Variants in FYB1 observed in about 807,000 individuals in gnomAD.
The protein encoded by FYB1 is FYN-binding protein 1.
FYB1 carries 41 observed loss-of-function variants against 94.1 expected under a neutral mutation model. The ratio of observed to expected loss-of-function variants is 0.44; its 90% CI spans 0.34 to 0.57. The LOEUF (loss-of-function observed/expected upper bound fraction) is 0.57, where lower values mean the gene tolerates loss of function less well. Ranked by LOEUF, FYB1 falls within the 20% of genes least tolerant of loss-of-function variation. FYB1 has a pLI of 0.02. For synonymous variants in FYB1, 367 were observed against 353.2 expected (o/e 1.04, Z -0.44); for missense variants, 1,050 against 976.8 (o/e 1.07, Z -1.00).
upstream of FYB1, among the ~76,000 whole-genome samples, chr5:39,221,639 T>A (rs1489563784): frequency 6.6e-6 from 1 of 152,170 alleles, no homozygotes; most frequent in Non-Finnish European, 1.5e-5. Context: ...GAAGCCTAAC[T>A]GGAATTTGGG....
intron 1 of FYB1, among the ~76,000 whole-genome samples, chr5:39,217,935 AC>A (rs1211393228): frequency 6.6e-6 from 1 of 152,208 alleles, no homozygotes; most frequent in Non-Finnish European, 1.5e-5. Context: ...CTTCAAAGCC[AC>A]CGCCTGCACT....
intron 1 of FYB1, chr5:39,274,395 A>G (rs1225386648): frequency 6.6e-6 from 1 of 152,160 alleles, no homozygotes; most frequent in Non-Finnish European, 1.5e-5. Flanking sequence ...AGGGATGTCG[A>G]ATCTCACCTT....
At chr5:39,149,344 C>G (rs1743046879) in intron 3 of FYB1, among the ~76,000 whole-genome samples, 1 of 152,128 alleles carries the variant, frequency 6.6e-6, no homozygotes, top group African/African-American at 2.4e-5. Context: ...ATTAGAGATT[C>G]CACTCCACAT....
At position 39,111,526 on chromosome 5, in the gene FYB1, C is replaced by T. The variant is rs566274053; in HGVS notation, c.2402-1137G>A. ...TTGGAATCATAAAACTGAATTTATA[C>T]ATTAAAATTTAAGAAAATGAACTTT... On this transcript the variant is annotated intron_variant, in intron 16 of 18. Coordinates refer to ENST00000512982, the MANE Select transcript of FYB1 (RefSeq NM_001465.6). 1.9e-4 allele frequency among the ~76,000 whole-genome samples: 29 copies of T among 151,644 alleles called. 1 individual carries two copies. The South Asian group carries it at 5.0e-3, about 26-fold the overall frequency.
At chr5:39,267,679 A>G (rs1429714662) in intron 1 of FYB1, among the ~76,000 whole-genome samples, 1 of 152,270 alleles carries the variant, frequency 6.6e-6, no homozygotes, top group Non-Finnish European at 1.5e-5. Flanking sequence ...TGCTACAAAA[A>G]TAGGCATGGG....
intron 2 of FYB1, among the ~76,000 whole-genome samples, chr5:39,168,370 G>T (rs1428789320): frequency 6.6e-6 from 1 of 152,044 alleles, no homozygotes; most frequent in South Asian, 2.1e-4. Context: ...GACAAGTAAA[G>T]GTGTATTTTA....
chr5:39,206,842 C>T (rs543725837), intron 1 of FYB1, among the ~76,000 whole-genome samples: 10 of 152,280 alleles, frequency 6.6e-5, no homozygotes, highest in Admixed American at 1.3e-4. Context: ...CTTCCTTCTC[C>T]CACTTTTCAC....
chr5:39,235,732 C>T (rs1631837), intron 1 of FYB1, among the ~76,000 whole-genome samples: 25,602 of 151,864 alleles, frequency 0.17, 5,756 homozygotes, highest in African/African-American at 0.5. Context: ...GTCTAACATA[C>T]GACAACTATC....
At position 39,127,810 on chromosome 5, in the gene FYB1, T is replaced by C. The variant is rs1226235344; in HGVS notation, c.1841-3A>G. The C allele has an allele frequency of 6.3e-7, 1 of 1,596,448 alleles. No individual in the cohort carries two copies. The highest frequency in any genetic ancestry group is 1.8e-5 in the Admixed American group (1 of 56,912). On this transcript the variant is annotated splice_polypyrimidine_tract_variant and splice_region_variant and intron_variant, in intron 10 of 18. Coordinates refer to ENST00000512982, the MANE Select transcript of FYB1 (RefSeq NM_001465.6). ...ATCTGGTGGTGGAGGGAATATCCCTTCATTTGGATTGGAGGAAAATCTTCT... is the reference window on the plus strand; with the variant it reads ...ATCTGGTGGTGGAGGGAATATCCCTCCATTTGGATTGGAGGAAAATCTTCT...
chr5:39,232,739 C>G (rs1483953011), intron 1 of FYB1, among the ~76,000 whole-genome samples: 1 of 148,402 alleles, frequency 6.7e-6, no homozygotes, highest in African/African-American at 2.5e-5. Flanking sequence ...CACAACAGTC[C>G]CCAGAGTGTG....
intron 1 of FYB1, among the ~76,000 whole-genome samples, chr5:39,267,990 C>T (rs2111734829): frequency 6.6e-6 from 1 of 152,176 alleles, no homozygotes; most frequent in South Asian, 2.1e-4. Flanking sequence ...TGGGCTACTA[C>T]ACAATTATTA....
intron 2 of FYB1, among the ~76,000 whole-genome samples, chr5:39,172,569 C>CA (rs1436410513): frequency 6.6e-6 from 1 of 152,190 alleles, no homozygotes; most frequent in Non-Finnish European, 1.5e-5. Context: ...ACTCAACCAA[C>CA]AGGTGGTTCT....
At position 39,119,545 on chromosome 5, in the gene FYB1, T is replaced by C; in HGVS notation, c.2228A>G (p.Lys743Arg). 5.8e-6 allele frequency: 9 copies of C among 1,538,572 alleles called. No homozygotes were observed. The highest frequency in any genetic ancestry group is 7.9e-6 in the Non-Finnish European group (9 of 1,141,800). Residue 743 changes from lysine (K) to arginine (R), a missense_variant, in exon 15 of 19, where the codon AAA becomes AGA. Transcript: ENST00000512982. Reference protein sequence around the residue: ...KQEKEEKDFRKKFKYDGEIRV... With the variant: ...KQEKEEKDFRRKFKYDGEIRV... ...TTAGATATGACATACTTTAAATTTT[T>C]TCCTGAAGTCTTTTTCTTCTTTTTC...
At chr5:39,242,637 T>A (rs1751265371) in intron 1 of FYB1, among the ~76,000 whole-genome samples, 2 of 152,154 alleles carry the variant, frequency 1.3e-5, no homozygotes, top group African/African-American at 4.8e-5. Context: ...TGATTTATAA[T>A]CCTTTGGGTA....
chr5:39,144,958 G>T (rs1479323579), intron 3 of FYB1, among the ~76,000 whole-genome samples: 3 of 152,144 alleles, frequency 2.0e-5, no homozygotes, highest in Non-Finnish European at 4.4e-5. Flanking sequence ...TTAATGCACA[G>T]AATCTATTTT....
chr5:39,186,591 T>C (rs999426692), intron 2 of FYB1, among the ~76,000 whole-genome samples: 7 of 150,698 alleles, frequency 4.6e-5, no homozygotes, highest in African/African-American at 1.7e-4. Flanking sequence ...CTTTATGTTA[T>C]GTTTAAGCAA....
At chr5:39,124,140 A>AC in intron 13 of FYB1, 113 bp downstream of exon 13, 1 of 737,604 alleles carries the variant, frequency 1.4e-6, no homozygotes, top group African/African-American at 1.9e-5. Context: ...AGGCTACACA[A>AC]TTTATTATTT....
At position 39,243,373 on chromosome 5, in the gene FYB1, C is replaced by G. The variant is rs1433397797; in HGVS notation, c.-28+31030G>C. On this transcript the variant is annotated intron_variant, in intron 1 of 1. Coordinates refer to the FYB1 transcript ENST00000510188. Reference sequence around the variant, plus strand: ...TTTCTACATATGGCTAGCCAGTTTTCCCAGCACCATTTATTAAATAGGGAA... The same window carrying G: ...TTTCTACATATGGCTAGCCAGTTTTGCCAGCACCATTTATTAAATAGGGAA... Among the ~76,000 whole-genome samples, 1,135 of 151,426 alleles carry G rather than the reference C, an allele frequency of 7.5e-3. 24 individuals are homozygous for G. Among genetic ancestry groups the G allele is most frequent in the African/African-American group, 0.026 (1,077 of 40,820 alleles).
At chr5:39,113,303 G>T (rs1739232537) in intron 16 of FYB1, among the ~76,000 whole-genome samples, 1 of 152,086 alleles carries the variant, frequency 6.6e-6, no homozygotes, top group African/African-American at 2.4e-5. Context: ...TCTCATCATG[G>T]TCTGTATCAT....
Sources: allele counts gnomAD v4.1 joint callset (sites outside exome capture counted in the v4.1 genomes callset), GRCh38; gene constraint gnomAD v4.1.1; transcripts MANE v1.5; gene names NCBI Gene and HGNC (gene_info 2026-07-23, HGNC 2026-07-21).